The following ASTN2 variants were observed in gnomAD, a reference collection of about 807,000 sequenced individuals.
The protein encoded by ASTN2 is astrotactin 2.
In ASTN2, 54 loss-of-function variants were observed where a neutral mutation model predicts 139.8. The ratio of observed to expected loss-of-function variants is 0.39; its 90% CI spans 0.31 to 0.48. ASTN2 has a LOEUF of 0.48. Among genes scored for constraint, ASTN2 ranks in the 20% least tolerant of loss-of-function variants. The pLI is 0.95. For missense variants in ASTN2, 1,565 were observed against 1,725.1 expected, an observed-to-expected ratio of 0.91 and a Z score of 1.64; for synonymous variants, 756 against 719.5, an observed-to-expected ratio of 1.05 and a Z score of -0.81.
intron 16 of ASTN2, among the ~76,000 whole-genome samples, chr9:116,686,160 G>C (rs1426683624): frequency 6.6e-6 from 1 of 152,148 alleles, no homozygotes; most frequent in African/African-American, 2.4e-5. Context: ...TGGGGAGAAA[G>C]AGTAAACAAG....
At chr9:117,334,182 G>A (rs972966354) in intron 1 of ASTN2, among the ~76,000 whole-genome samples, 11 of 152,212 alleles carry the variant, frequency 7.2e-5, no homozygotes, top group Non-Finnish European at 1.5e-4. Context: ...CAGTTGGCCT[G>A]AGAGTCATCA....
At chr9:116,831,564 ATAAT>A (rs1831815500) in intron 11 of ASTN2, among the ~76,000 whole-genome samples, 1 of 152,212 alleles carries the variant, frequency 6.6e-6, no homozygotes, top group Non-Finnish European at 1.5e-5. Flanking sequence ...GAAGAGACAA[ATAAT>A]TAACAAGTAA....
chr9:116,696,824 C>T (rs750550251), intron 16 of ASTN2, among the ~76,000 whole-genome samples: 7 of 151,820 alleles, frequency 4.6e-5, no homozygotes, highest in Non-Finnish European at 8.8e-5. Context: ...AGGATAGATG[C>T]GTGGAAAATG....
At chr9:117,131,168 C>T (rs1228645163) in intron 4 of ASTN2, among the ~76,000 whole-genome samples, 1 of 152,132 alleles carries the variant, frequency 6.6e-6, no homozygotes, top group Non-Finnish European at 1.5e-5. Context: ...CTTAAGCCTG[C>T]CCAACACACT....
intron 13 of ASTN2, among the ~76,000 whole-genome samples, chr9:116,803,497 TA>T (rs1830929041): frequency 2.7e-4 from 2 of 7,338 alleles, no homozygotes; most frequent in African/African-American, 5.2e-4. Flanking sequence ...TATATATATA[TA>T]TATATATATA....
At chr9:117,299,351 A>C (rs897326247) in intron 1 of ASTN2, among the ~76,000 whole-genome samples, 2 of 152,218 alleles carry the variant, frequency 1.3e-5, no homozygotes, top group African/African-American at 4.8e-5. Context: ...TGTCCTCAGG[A>C]GCTTAGTCCA....
intron 16 of ASTN2, among the ~76,000 whole-genome samples, chr9:116,720,448 T>A (rs1253242063): frequency 6.6e-6 from 1 of 152,170 alleles, no homozygotes; most frequent in Non-Finnish European, 1.5e-5. Context: ...GTTAATTGCA[T>A]AGCATTCTTT....
intron 1 of ASTN2, among the ~76,000 whole-genome samples, chr9:117,301,657 A>G (rs748901323): frequency 2.6e-5 from 4 of 152,194 alleles, no homozygotes; most frequent in Admixed American, 6.5e-5. Context: ...GTGTGATATG[A>G]TAAGTACCAG....
intron 10 of ASTN2, among the ~76,000 whole-genome samples, chr9:116,891,515 C>A (rs1833760596): frequency 1.3e-5 from 2 of 152,200 alleles, no homozygotes; most frequent in Non-Finnish European, 2.9e-5. Flanking sequence ...ACGTTACCCC[C>A]ACTTTATAGA....
rs140090931 is a variant in ASTN2 at position 116,985,906 on chromosome 9, G to C, written c.1592-9121C>G. On this transcript the variant is annotated intron_variant, in intron 7 of 22. Transcript: ENST00000313400. ...GCAGAGGGACACAGCCTGGTAAGGG[G>C]AAAGGTGTCAGCCTGGCAACCAAGG... Among the ~76,000 whole-genome samples, 48 of 152,324 alleles carry C rather than the reference G, an allele frequency of 3.2e-4. No homozygotes were observed. The Middle Eastern group carries it at 0.01, about 32-fold the overall frequency.
chr9:116,943,232 GA>G (rs1835289143), intron 10 of ASTN2, among the ~76,000 whole-genome samples: 1 of 152,136 alleles, frequency 6.6e-6, no homozygotes, highest in Admixed American at 6.5e-5. Context: ...GGGTGAAGGG[GA>G]ATGAGTGAAG....
At chr9:116,622,526 T>C (rs910689562) in intron 17 of ASTN2, among the ~76,000 whole-genome samples, 3 of 152,224 alleles carry the variant, frequency 2.0e-5, no homozygotes, top group Non-Finnish European at 2.9e-5. Flanking sequence ...CTCATTTATA[T>C]ATAAGAAAAC....
At position 116,423,254 on chromosome 9, in the gene ASTN2, T is replaced by C. The variant is rs368999776; in HGVS notation, c.*2597A>G. ...AATAAAAAATAAAATAAAAACACTATACATTGCATTGGATGCATGTTAACT... is the reference window on the plus strand; with the variant it reads ...AATAAAAAATAAAATAAAAACACTACACATTGCATTGGATGCATGTTAACT... On this transcript the variant is annotated 3_prime_UTR_variant, in exon 23 of 23. Transcript: ENST00000313400. Among the ~76,000 whole-genome samples the C allele has an allele frequency of 5.9e-5, 9 of 152,336 alleles. No homozygotes were observed. The South Asian group carries it at 1.0e-3, about 18-fold the overall frequency.
At chr9:116,474,755 A>G (rs1848923738) in intron 20 of ASTN2, among the ~76,000 whole-genome samples, 1 of 152,204 alleles carries the variant, frequency 6.6e-6, no homozygotes, top group African/African-American at 2.4e-5. Flanking sequence ...CCTCATTGCA[A>G]TGAAAAAGAA....
intron 12 of ASTN2, among the ~76,000 whole-genome samples, chr9:116,815,823 A>AAAAAAAAAAAAAAAAAAAAAAT: frequency 6.7e-6 from 1 of 148,772 alleles, no homozygotes; most frequent in Admixed American, 6.7e-5. Context: ...AAAAAAAAAA[A>AAAAAAAAAAAAAAAAAAAAAAT]AAAAAGTTGA....
intron 17 of ASTN2, among the ~76,000 whole-genome samples, chr9:116,632,688 C>T (rs1357299738): frequency 6.6e-6 from 1 of 152,132 alleles, no homozygotes; most frequent in Non-Finnish European, 1.5e-5. Context: ...GCCTATAATG[C>T]CTTTATTCTA....
At chr9:116,638,545 A>AC (rs1588125623) in intron 17 of ASTN2, among the ~76,000 whole-genome samples, 1 of 151,762 alleles carries the variant, frequency 6.6e-6, no homozygotes, top group Admixed American at 6.6e-5. Flanking sequence ...CAAAAAAAAA[A>AC]CCATCAAGCC....
chr9:117,190,591 T>A (rs1831319133), intron 3 of ASTN2, among the ~76,000 whole-genome samples: 2 of 152,188 alleles, frequency 1.3e-5, no homozygotes, highest in South Asian at 4.1e-4. Context: ...CAATTTATTC[T>A]AGTGCTCTCT....
intron 4 of ASTN2, among the ~76,000 whole-genome samples, chr9:117,104,351 C>CA (rs1829052301): frequency 1.3e-5 from 2 of 152,036 alleles, no homozygotes; most frequent in Non-Finnish European, 2.9e-5. Context: ...TATAGACATA[C>CA]AAACCTCTCC....
Sources: gnomAD v4.1 joint callset for allele counts (sites outside exome capture counted in the v4.1 genomes callset) on GRCh38, gnomAD v4.1.1 for gene constraint, MANE v1.5 for transcripts, NCBI Gene and HGNC (gene_info 2026-07-23, HGNC 2026-07-21) for gene names.